Variants in SVOPL observed in about 807,000 individuals in gnomAD.
The protein encoded by SVOPL is putative transporter SVOPL.
Under a neutral mutation model 61.0 loss-of-function variants are expected in SVOPL, and 60 were observed. The observed-to-expected ratio is 0.98, with a 90% CI of 0.80 to 1.22. SVOPL has a LOEUF of 1.22. Ranked by LOEUF, SVOPL falls within the 50% of genes most tolerant of loss-of-function variation. SVOPL has a pLI of 0.00. For missense variants in SVOPL, 662 were observed against 643.9 expected (o/e 1.03, Z -0.30); for synonymous variants, 279 against 250.0 (o/e 1.12, Z -1.09).
chr7:138,602,507 C>G (rs186320315), intron 14 of SVOPL, among the ~76,000 whole-genome samples: 7,738 of 147,864 alleles, frequency 0.052, 258 homozygotes, highest in Middle Eastern at 0.09. Flanking sequence ...ACAGACATGT[C>G]TACATATATA....
At chr7:138,631,975 C>T (rs1405585067) in intron 9 of SVOPL, among the ~76,000 whole-genome samples, 1 of 151,842 alleles carries the variant, frequency 6.6e-6, no homozygotes, top group Non-Finnish European at 1.5e-5. Context: ...CACACACACA[C>T]ACACACACAT....
At chr7:138,695,784 T>C (rs898259836) in intron 1 of SVOPL, among the ~76,000 whole-genome samples, 2 of 152,188 alleles carry the variant, frequency 1.3e-5, no homozygotes, top group Non-Finnish European at 2.9e-5. Context: ...TTTATTTATT[T>C]GTTTTTATTT....
intron 1 of SVOPL, among the ~76,000 whole-genome samples, chr7:138,693,784 T>C (rs1285952309): frequency 1.3e-5 from 2 of 152,090 alleles, no homozygotes; most frequent in East Asian, 1.9e-4. Context: ...CTCATTTTAC[T>C]ATTGGATTTG....
rs113079836 is a variant in SVOPL, at chr7:138,682,671, A to C, written c.-34-3592T>G. Reference sequence around the variant, plus strand: ...ACAAATCAACTATAAAAAATTTAAAAATAAAACAAGTGTGTGGCTGGGTGC... The same window carrying C: ...ACAAATCAACTATAAAAAATTTAAACATAAAACAAGTGTGTGGCTGGGTGC... On this transcript the variant is annotated intron_variant, in intron 1 of 15. Coordinates refer to ENST00000674285, the MANE Select transcript of SVOPL (RefSeq NM_001139456.2). 3.9e-5 allele frequency among the ~76,000 whole-genome samples: 6 copies of C among 152,274 alleles called. No individual in the cohort carries two copies. The South Asian group carries it at 1.0e-3, about 26-fold the overall frequency.
At chr7:138,620,091 T>C (rs188973814) in intron 14 of SVOPL, among the ~76,000 whole-genome samples, 1 of 145,112 alleles carries the variant, frequency 6.9e-6, no homozygotes, top group Non-Finnish European at 1.5e-5. Flanking sequence ...TGGATTTCTG[T>C]TTTTTTTTTC....
intron 14 of SVOPL, among the ~76,000 whole-genome samples, chr7:138,611,563 A>G (rs182035970): frequency 6.6e-6 from 1 of 152,290 alleles, no homozygotes; most frequent in African/African-American, 2.4e-5. Flanking sequence ...ATTCCCATTA[A>G]CTTGTGAAGT....
At chr7:138,667,780 T>A (rs1802305687) in intron 4 of SVOPL, among the ~76,000 whole-genome samples, 1 of 152,200 alleles carries the variant, frequency 6.6e-6, no homozygotes, top group Non-Finnish European at 1.5e-5. Flanking sequence ...GTGAAAGAGA[T>A]CTGACCTAAC....
rs545164730 is a variant in SVOPL at position 138,618,670 on chromosome 7, G to A, written c.1353+2376C>T. Among the ~76,000 whole-genome samples, 9 of 150,994 alleles carry A rather than the reference G, an allele frequency of 6.0e-5. No individual in the cohort carries two copies. The East Asian group carries it at 1.4e-3, about 23-fold the overall frequency. On this transcript the variant is annotated intron_variant, in intron 14 of 15. Coordinates refer to ENST00000674285, the MANE Select transcript of SVOPL (RefSeq NM_001139456.2). ...AGCGAGACAGAGAGAGAGAGAGCAC[G>A]CAAGAGTGAGAGAGAATGAGAGCAC...
chr7:138,667,965 A>G (rs1409305066), intron 4 of SVOPL, among the ~76,000 whole-genome samples: 1 of 152,222 alleles, frequency 6.6e-6, no homozygotes. Flanking sequence ...CTAACAAATT[A>G]GCCACAAGAT....
intron 1 of SVOPL, among the ~76,000 whole-genome samples, chr7:138,680,020 G>C (rs373086973): frequency 6.6e-6 from 1 of 152,118 alleles, no homozygotes; most frequent in Non-Finnish European, 1.5e-5. Flanking sequence ...CCTTGAGCCT[G>C]GGGCCAGACG....
intron 10 of SVOPL, among the ~76,000 whole-genome samples, chr7:138,629,133 G>GTATGTATA (rs1418761463): frequency 3.7e-4 from 29 of 78,142 alleles, no homozygotes; most frequent in East Asian, 1.1e-3. Context: ...ATATATGTGT[G>GTATGTATA]TGTGTGTGTG....
chr7:138,680,794 G>A (rs996004045), intron 1 of SVOPL, among the ~76,000 whole-genome samples: 13 of 152,066 alleles, frequency 8.5e-5, no homozygotes, highest in African/African-American at 2.9e-4. Flanking sequence ...TAGCCAGGAT[G>A]GTCTCGATCT....
intron 6 of SVOPL, among the ~76,000 whole-genome samples, chr7:138,657,577 T>C (rs933019923): frequency 3.3e-5 from 5 of 152,226 alleles, no homozygotes; most frequent in African/African-American, 1.2e-4. Flanking sequence ...TAAGAATAAA[T>C]AGAAACATAT....
intron 14 of SVOPL, among the ~76,000 whole-genome samples, chr7:138,608,657 C>T (rs192004951): frequency 3.3e-5 from 5 of 152,038 alleles, no homozygotes; most frequent in Admixed American, 2.0e-4. Context: ...GGCACTTCCA[C>T]GTGTATGTTA....
chr7:138,595,781 G>C (rs1468743580), intron 15 of SVOPL, among the ~76,000 whole-genome samples: 1 of 152,108 alleles, frequency 6.6e-6, no homozygotes, highest in Non-Finnish European at 1.5e-5. Flanking sequence ...TCAATGACTG[G>C]ATCACCTTTC....
At chr7:138,647,847 CAAAAAAAA>C (rs33996391) in intron 8 of SVOPL, among the ~76,000 whole-genome samples, 18 of 102,726 alleles carry the variant, frequency 1.8e-4, no homozygotes, top group South Asian at 1.3e-3. Flanking sequence ...GACTCCGTTT[CAAAAAAAA>C]AAAAAAAAAA....
At chr7:138,621,922 CTATCTATG>C (rs1799606204) in intron 13 of SVOPL, among the ~76,000 whole-genome samples, 4 of 47,076 alleles carry the variant, frequency 8.5e-5, no homozygotes, top group Non-Finnish European at 2.0e-4. Flanking sequence ...ATCTATGTAT[CTATCTATG>C]TATCTATCTA....
At chr7:138,601,121 A>G (rs994245009) in intron 14 of SVOPL, among the ~76,000 whole-genome samples, 25 of 151,986 alleles carry the variant, frequency 1.6e-4, no homozygotes, top group Admixed American at 3.3e-4. Context: ...GCGTGGTGGC[A>G]GGCACCTGTA....
intron 7 of SVOPL, among the ~76,000 whole-genome samples, chr7:138,654,921 T>A (rs891868403): frequency 6.7e-6 from 1 of 150,218 alleles, no homozygotes; most frequent in African/African-American, 2.5e-5. Flanking sequence ...CTGGGTACAG[T>A]GGCTCATGCC....
Sources: gnomAD v4.1 joint callset for allele counts (sites outside exome capture counted in the v4.1 genomes callset) on GRCh38, gnomAD v4.1.1 for gene constraint, MANE v1.5 for transcripts, NCBI Gene and HGNC (gene_info 2026-07-23, HGNC 2026-07-21) for gene names.